The following GRIA2 variants were observed in gnomAD, a reference collection of about 807,000 sequenced individuals.
GRIA2 encodes glutamate ionotropic receptor AMPA type subunit 2.
Under a neutral mutation model 97.3 loss-of-function variants are expected in GRIA2, and 14 were observed. The ratio of observed to expected loss-of-function variants is 0.14; its 90% CI spans 0.10 to 0.23. The LOEUF (loss-of-function observed/expected upper bound fraction) is 0.23. GRIA2 is among the 10% of genes least tolerant of loss of function. The probability of loss-of-function intolerance (pLI) is 1.00; values close to 1 mark genes in which losing one functional copy is unlikely to be tolerated. For synonymous variants in GRIA2, 412 were observed against 387.8 expected (o/e 1.06, Z -0.73); for missense variants, 558 against 1,069.8 (o/e 0.52, Z 6.67).
chr4:157,246,595 G>C (rs1232470268), intron 2 of GRIA2, among the ~76,000 whole-genome samples: 1 of 151,948 alleles, frequency 6.6e-6, no homozygotes, highest in Non-Finnish European at 1.5e-5. Flanking sequence ...GGATTGGTTT[G>C]CTTTTTACAA....
chr4:157,326,041 A>G (rs947513869), intron 6 of GRIA2, among the ~76,000 whole-genome samples: 2 of 152,110 alleles, frequency 1.3e-5, no homozygotes, highest in Non-Finnish European at 2.9e-5. Flanking sequence ...ACCCAGTCCC[A>G]TGGAGCCACA....
At chr4:157,338,023 T>TATATATATATATATATATATAC (rs1735373986) in intron 11 of GRIA2, among the ~76,000 whole-genome samples, 20 of 12,730 alleles carry the variant, frequency 1.6e-3, no homozygotes, top group Admixed American at 9.6e-3. Context: ...TATATATATA[T>TATATATATATATATATATATAC]ATATATATAT....
chr4:157,272,737 G>T (rs997022169), intron 2 of GRIA2, among the ~76,000 whole-genome samples: 1 of 152,030 alleles, frequency 6.6e-6, no homozygotes, highest in African/African-American at 2.4e-5. Context: ...ACCAAAGCCT[G>T]ATCTTTTGGG....
At chr4:157,281,805 A>G (rs1732610613) in intron 2 of GRIA2, among the ~76,000 whole-genome samples, 1 of 152,124 alleles carries the variant, frequency 6.6e-6, no homozygotes, top group Non-Finnish European at 1.5e-5. Context: ...GAAAATGTGA[A>G]ACACTAAATC....
chr4:157,235,207 G>T (rs1034590459), intron 2 of GRIA2, among the ~76,000 whole-genome samples: 2 of 152,028 alleles, frequency 1.3e-5, no homozygotes, highest in Non-Finnish European at 2.9e-5. Context: ...TACCTTGTTT[G>T]TATGCACCAA....
At chr4:157,271,689 C>T (rs1052179825) in intron 2 of GRIA2, among the ~76,000 whole-genome samples, 2 of 152,044 alleles carry the variant, frequency 1.3e-5, no homozygotes, top group Non-Finnish European at 2.9e-5. Context: ...TAGTCTTCAG[C>T]CTCTCTGCCC....
Position 157,220,774 on chromosome 4 carries a change from G to A in GRIA2, c.-269G>A, listed in dbSNP as rs1263701193. On this transcript the variant is annotated 5_prime_UTR_variant, in exon 1 of 16. Coordinates refer to ENST00000264426, the MANE Select transcript of GRIA2 (RefSeq NM_001083619.3). ...AGGGTGCTGAATATTCCGAGACACT[G>A]GGACCACAGCGGCAGCTCCGCTGAA... 1 of 524,468 alleles carries A rather than the reference G, an allele frequency of 1.9e-6. No individual in the cohort carries two copies. The highest frequency in any genetic ancestry group is 3.4e-6 in the Non-Finnish European group (1 of 291,016). The allele number at this position is 524,468 out of a possible 1,614,324, so 32.5% of individuals were successfully genotyped here.
intron 2 of GRIA2, among the ~76,000 whole-genome samples, chr4:157,232,336 G>A (rs1474531746): frequency 3.3e-5 from 5 of 152,132 alleles, no homozygotes; most frequent in African/African-American, 1.2e-4. Flanking sequence ...CTCTATAAGG[G>A]TGTGTGTGCT....
rs1736285451 is a variant in GRIA2 at position 157,355,908 on chromosome 4, T to TATATTA, written c.2044-3984_2044-3983insTAATAT. Among the ~76,000 whole-genome samples the TATATTA allele has an allele frequency of 8.1e-5, 5 of 61,814 alleles. 1 individual carries two copies. Among genetic ancestry groups the TATATTA allele is most frequent in the Non-Finnish European group, 1.2e-4 (4 of 32,300 alleles). 40.6% of individuals were successfully genotyped at this position (61,814 alleles called of 152,430 possible). On this transcript the variant is annotated intron_variant, in intron 12 of 15. Coordinates refer to ENST00000264426, the MANE Select transcript of GRIA2 (RefSeq NM_001083619.3). ...ATTAATATATTTATATATAAATATA[T>TATATTA]ATATATTAATATATTTATATATATT...
At chr4:157,267,314 C>T (rs1731815035) in intron 2 of GRIA2, among the ~76,000 whole-genome samples, 1 of 147,494 alleles carries the variant, frequency 6.8e-6, no homozygotes, top group Admixed American at 6.9e-5. Flanking sequence ...GTCCCAGCTA[C>T]TCAGGAGGCT....
At chr4:157,227,913 C>CT (rs1272360295) in intron 2 of GRIA2, among the ~76,000 whole-genome samples, 1 of 151,998 alleles carries the variant, frequency 6.6e-6, no homozygotes, top group African/African-American at 2.4e-5. Flanking sequence ...ATCAAAATGT[C>CT]TATCAAATCA....
chr4:157,253,346 A>G (rs1731098058), intron 2 of GRIA2, among the ~76,000 whole-genome samples: 1 of 151,944 alleles, frequency 6.6e-6, no homozygotes, highest in African/African-American at 2.4e-5. Context: ...CGAATTCCTG[A>G]GCTCAAGGGA....
chr4:157,282,076 G>A (rs1467911303), intron 2 of GRIA2, among the ~76,000 whole-genome samples: 1 of 152,028 alleles, frequency 6.6e-6, no homozygotes, highest in African/African-American at 2.4e-5. Context: ...TTCCATTTTT[G>A]CTGTGTCCAA....
At chr4:157,277,090 A>G (rs1186389071) in intron 2 of GRIA2, among the ~76,000 whole-genome samples, 1 of 151,940 alleles carries the variant, frequency 6.6e-6, no homozygotes, top group African/African-American at 2.4e-5. Context: ...TATACAAACC[A>G]GAAAACTACA....
At chr4:157,277,897 T>C (rs1234409667) in intron 2 of GRIA2, among the ~76,000 whole-genome samples, 1 of 146,846 alleles carries the variant, frequency 6.8e-6, no homozygotes, top group Non-Finnish European at 1.5e-5. Context: ...TATGTATATA[T>C]ATATGTATAT....
At chr4:157,247,715 A>G (rs1350359641) in intron 2 of GRIA2, among the ~76,000 whole-genome samples, 3 of 152,074 alleles carry the variant, frequency 2.0e-5, no homozygotes, top group Non-Finnish European at 2.9e-5. Context: ...AGAGTTATCC[A>G]ATGAATGTAG....
chr4:157,305,530 A>G (rs1733804778), intron 3 of GRIA2, among the ~76,000 whole-genome samples: 1 of 152,142 alleles, frequency 6.6e-6, no homozygotes, highest in Non-Finnish European at 1.5e-5. Context: ...AGGTCTTATA[A>G]TATCCAATTC....
chr4:157,307,951 C>A (rs1187268693), intron 3 of GRIA2, among the ~76,000 whole-genome samples: 2 of 152,214 alleles, frequency 1.3e-5, no homozygotes, highest in Non-Finnish European at 2.9e-5. Context: ...CCTAGGCATG[C>A]TGCCATGATT....
intron 3 of GRIA2, among the ~76,000 whole-genome samples, chr4:157,311,297 G>A (rs1734070281): frequency 6.6e-6 from 1 of 151,978 alleles, no homozygotes; most frequent in South Asian, 2.1e-4. Flanking sequence ...AACAGTTTAT[G>A]TATTTAAGTA....
Sources: gnomAD v4.1 joint callset for allele counts (sites outside exome capture counted in the v4.1 genomes callset) on GRCh38, gnomAD v4.1.1 for gene constraint, MANE v1.5 for transcripts, NCBI Gene and HGNC (gene_info 2026-07-23, HGNC 2026-07-21) for gene names.